Variants in PFKFB3 observed in about 807,000 individuals in gnomAD.
The protein encoded by PFKFB3 is 6-phosphofructo-2-kinase/fructose-2,6-bisphosphatase 3.
A neutral mutation model predicts 68.0 loss-of-function variants in PFKFB3; 33 were observed. That is an observed-to-expected ratio of 0.49 (90% CI 0.37 to 0.65). The LOEUF (loss-of-function observed/expected upper bound fraction) is 0.65, where lower values mean the gene tolerates loss of function less well. PFKFB3 is among the 30% of genes least tolerant of loss of function. The pLI is 0.00. For missense variants in PFKFB3, 586 were observed against 712.2 expected, an observed-to-expected ratio of 0.82 and a Z score of 2.02; for synonymous variants, 315 against 288.2, an observed-to-expected ratio of 1.09 and a Z score of -0.94.
chr10:6,222,109 C>T (rs979730826), intron 10 of PFKFB3, among the ~76,000 whole-genome samples: 2 of 152,102 alleles, frequency 1.3e-5, no homozygotes, highest in Non-Finnish European at 2.9e-5. Flanking sequence ...TGGCTGAGGA[C>T]GCTGTTGCCT....
At chr10:6,194,558 C>T (rs1843121689) in intron 1 of PFKFB3, among the ~76,000 whole-genome samples, 2 of 152,176 alleles carry the variant, frequency 1.3e-5, no homozygotes, top group Non-Finnish European at 2.9e-5. Context: ...GACAAGGGGG[C>T]ATTTCCAGGA....
At chr10:6,231,207 C>CTTT (rs35890201) in intron 14 of PFKFB3, 18 of 1,006,580 alleles carry the variant, frequency 1.8e-5, no homozygotes, top group South Asian at 3.0e-5. Context: ...TAAAGATTTT[C>CTTT]TTTTTTTTTT....
At chr10:6,267,359 AG>A in the PFKFB3 span, among the ~76,000 whole-genome samples, 1 of 152,360 alleles carries the variant, frequency 6.6e-6, no homozygotes, top group Non-Finnish European at 1.5e-5. Flanking sequence ...TGAAAGGAGA[AG>A]GAACTGTGGG....
intron 1 of PFKFB3, among the ~76,000 whole-genome samples, chr10:6,209,458 G>A (rs557451917): frequency 1.3e-5 from 2 of 151,224 alleles, no homozygotes; most frequent in Admixed American, 1.3e-4. Context: ...GGAAAATCTT[G>A]TGTTAAACTC....
downstream of PFKFB3, among the ~76,000 whole-genome samples, chr10:6,259,347 T>TACCCATCC (rs1350809250): frequency 3.0e-4 from 44 of 146,244 alleles, no homozygotes; most frequent in Non-Finnish European, 5.7e-4. Flanking sequence ...TCCATCCATC[T>TACCCATCC]ACCCATCCAC....
downstream of PFKFB3, among the ~76,000 whole-genome samples, chr10:6,237,299 C>T (rs1307603991): frequency 6.6e-6 from 1 of 152,246 alleles, no homozygotes; most frequent in Non-Finnish European, 1.5e-5. Flanking sequence ...CTCCCTGTGC[C>T]CCGTCATCGT....
chr10:6,235,355 A>G lies in PFKFB3; in HGVS notation c.*2413A>G, dbSNP rs1420465073. The G allele has an allele frequency of 6.6e-6, 1 of 152,412 alleles. No homozygotes were observed. The highest frequency in any genetic ancestry group is 1.5e-5 in the Non-Finnish European group (1 of 68,034). The allele number at this position is 152,412 out of a possible 1,614,324, so 9.4% of individuals were successfully genotyped here. On this transcript the variant is annotated 3_prime_UTR_variant, in exon 15 of 15. Transcript: ENST00000379775. ...TAGAAAGCTGTAGAGATTGGGTTTC[A>G]TTGTTAATTGGTTTGGGAGCCTCCT...
At position 6,228,924 on chromosome 10, in the gene PFKFB3, G is replaced by A. The variant is rs1447861778; in HGVS notation, c.1515+2559G>A. Among the ~76,000 whole-genome samples the A allele has an allele frequency of 6.6e-6, 1 of 152,216 alleles. No individual in the cohort carries two copies. The highest frequency in any genetic ancestry group is 2.4e-5 in the African/African-American group (1 of 41,464). ...TTCAGGTTCAGCCTTAGCTCTGGCA[G>A]CCACTGGGTAGCTGGGGCTGTGTTC... On this transcript the variant is annotated intron_variant, in intron 14 of 14. Transcript: ENST00000379775. This position sits in a 1 kb window ranked among gnomAD's most constrained non-coding sequence, Gnocchi z 4.5.
chr10:6,173,361 GGAA>G (rs1353367510), intron 1 of PFKFB3, among the ~76,000 whole-genome samples: 1 of 152,244 alleles, frequency 6.6e-6, no homozygotes, highest in Non-Finnish European at 1.5e-5. Context: ...GGGGCGCTCA[GGAA>G]GAGGTTGTCC....
chr10:6,157,007 G>A (rs933451531), intron 1 of PFKFB3, among the ~76,000 whole-genome samples: 1 of 151,058 alleles, frequency 6.6e-6, no homozygotes, highest in African/African-American at 2.4e-5. Flanking sequence ...CAGGAGAATC[G>A]CTTGATCCTA....
the PFKFB3 span, among the ~76,000 whole-genome samples, chr10:6,276,964 T>A: frequency 6.6e-6 from 1 of 151,794 alleles, no homozygotes; most frequent in Non-Finnish European, 1.5e-5. Context: ...GGCTCCCTCA[T>A]GCTACCCCTC....
At chr10:6,264,370 C>T in the PFKFB3 span, among the ~76,000 whole-genome samples, 11 of 152,280 alleles carry the variant, frequency 7.2e-5, no homozygotes, top group African/African-American at 2.2e-4. Flanking sequence ...TTTTAATTTC[C>T]ATGAAAATTT....
chr10:6,218,742 A>C, intron 6 of PFKFB3, among the ~76,000 whole-genome samples: 1 of 151,980 alleles, frequency 6.6e-6, no homozygotes, highest in Non-Finnish European at 1.5e-5. Context: ...CATTTTAGCT[A>C]TTTTTTAAGT....
At chr10:6,196,616 G>A (rs950562947) in intron 1 of PFKFB3, among the ~76,000 whole-genome samples, 1 of 152,202 alleles carries the variant, frequency 6.6e-6, no homozygotes, top group East Asian at 1.9e-4. Context: ...TGTAGGCGCA[G>A]AGACTAAGCC....
intron 5 of PFKFB3, 30 bp from the exon 6 acceptor site, chr10:6,217,105 T>A (rs955691250): frequency 1.9e-6 from 3 of 1,611,794 alleles, no homozygotes; most frequent in Non-Finnish European, 2.5e-6. Flanking sequence ...TGGTGTTTGT[T>A]TTCTAACATC....
chr10:6,278,554 C>T, the PFKFB3 span, among the ~76,000 whole-genome samples: 1,601 of 152,262 alleles, frequency 0.011, 31 homozygotes, highest in African/African-American at 0.036. Flanking sequence ...AGATTACAGG[C>T]GTGAGCCACC....
the PFKFB3 span, among the ~76,000 whole-genome samples, chr10:6,278,107 G>A: frequency 2.3e-3 from 348 of 151,932 alleles, 4 homozygotes; most frequent in East Asian, 0.042. Context: ...TAGTAGAGAC[G>A]GGGTTTCGCC....
At chr10:6,144,928 G>T, upstream of PFKFB3, 2 of 1,185,196 alleles carry the variant, frequency 1.7e-6, no homozygotes, top group Non-Finnish European at 2.1e-6. Flanking sequence ...CCCGAGTCGC[G>T]GGGCTGCCGC....
At chr10:6,288,041 A>G in the PFKFB3 span, among the ~76,000 whole-genome samples, 1 of 152,090 alleles carries the variant, frequency 6.6e-6, no homozygotes, top group Non-Finnish European at 1.5e-5. Context: ...CACTGGGTAC[A>G]ATACTCTAGA....
Sources: gnomAD v4.1 joint callset for allele counts (sites outside exome capture counted in the v4.1 genomes callset) on GRCh38, gnomAD v4.1.1 for gene constraint, Gnocchi (gnomAD v3.1) non-coding constraint, MANE v1.5 for transcripts, NCBI Gene and HGNC (gene_info 2026-07-23, HGNC 2026-07-21) for gene names.